FCGR2A: variants seen among roughly 807,000 people sequenced by gnomAD.
FCGR2A encodes the protein low affinity immunoglobulin gamma Fc region receptor II-a.
A neutral mutation model predicts 29.3 loss-of-function variants in FCGR2A; 18 were observed. The ratio of observed to expected loss-of-function variants is 0.62; its 90% CI spans 0.43 to 0.91. The LOEUF is 0.91. Ranked by LOEUF, FCGR2A falls within the 40% of genes least tolerant of loss-of-function variation. The probability of loss-of-function intolerance (pLI) is 0.00; values close to 1 mark genes in which losing one functional copy is unlikely to be tolerated. For missense variants in FCGR2A, 287 were observed against 393.0 expected (o/e 0.73, Z 2.28); for synonymous variants, 126 against 144.8 (o/e 0.87, Z 0.93).
At chr1:161,507,629 T>C (rs1311996398) in intron 3 of FCGR2A, among the ~76,000 whole-genome samples, 1 of 152,246 alleles carries the variant, frequency 6.6e-6, no homozygotes, top group African/African-American at 2.4e-5. Context: ...ATCCTGGCTG[T>C]GGAGTCGCTT....
intron 3 of FCGR2A, among the ~76,000 whole-genome samples, chr1:161,507,827 C>T (rs1417190307): frequency 6.6e-6 from 1 of 152,146 alleles, no homozygotes; most frequent in East Asian, 1.9e-4. Context: ...TGGCTCATGC[C>T]TGTAATCCCA....
intron 2 of FCGR2A, 118 bp from the exon 3 acceptor site, chr1:161,506,216 T>C (rs1675378765): frequency 7.1e-7 from 1 of 1,416,484 alleles, no homozygotes; most frequent in Non-Finnish European, 9.8e-7. Context: ...CAAGTACAGA[T>C]CTTGAACTAC....
intron 6 of FCGR2A, among the ~76,000 whole-genome samples, 179 bp downstream of exon 6, chr1:161,514,111 T>G (rs541272314): frequency 1.3e-5 from 2 of 152,258 alleles, no homozygotes; most frequent in South Asian, 4.1e-4. Context: ...CAAACATAAG[T>G]GAAACTCAAG....
chr1:161,507,020 C>T (rs1330393141), intron 3 of FCGR2A, among the ~76,000 whole-genome samples: 1 of 152,076 alleles, frequency 6.6e-6, no homozygotes, highest in Non-Finnish European at 1.5e-5. Context: ...AGAATTCAGT[C>T]TGGAAGATGA....
Position 161,518,253 on chromosome 1 carries a change from A to G in FCGR2A, c.*105A>G. 1 of 1,534,912 alleles carries G rather than the reference A, an allele frequency of 6.5e-7. No individual in the cohort carries two copies. The highest frequency in any genetic ancestry group is 8.7e-7 in the Non-Finnish European group (1 of 1,144,498). ...TTAAATGGAGACTGGAAAAATCCTG[A>G]GCAAACAAAACCACCTGGCCCTTAG... On this transcript the variant is annotated 3_prime_UTR_variant, in exon 7 of 7. Transcript: ENST00000271450.
intron 5 of FCGR2A, among the ~76,000 whole-genome samples, chr1:161,512,875 A>G (rs1007493804): frequency 6.6e-6 from 1 of 152,262 alleles, no homozygotes; most frequent in Non-Finnish European, 1.5e-5. Flanking sequence ...TGGAAAATAC[A>G]AAGTCCAAGC....
intron 3 of FCGR2A, among the ~76,000 whole-genome samples, chr1:161,507,312 A>G (rs1279704144): frequency 3.9e-5 from 6 of 152,134 alleles, no homozygotes; most frequent in Non-Finnish European, 5.9e-5. Flanking sequence ...TTATAGAGAC[A>G]GGGTCTCAGT....
intron 5 of FCGR2A, 118 bp downstream of exon 5, chr1:161,511,074 C>A: frequency 6.9e-7 from 1 of 1,455,066 alleles, no homozygotes; most frequent in Non-Finnish European, 9.6e-7. Flanking sequence ...CTAGGCCCAC[C>A]TTTTATTTAT....
intron 4 of FCGR2A, 82 bp from the exon 5 acceptor site, chr1:161,510,752 G>A (rs1156442393): frequency 1.3e-6 from 2 of 1,547,160 alleles, no homozygotes; most frequent in Non-Finnish European, 1.8e-6. Flanking sequence ...AGCATTGGAG[G>A]TGGGAGGTGG....
At position 161,506,326 on chromosome 1, in the gene FCGR2A, C is replaced by T. The variant is rs752211547; in HGVS notation, c.107-8C>T. The T allele has an allele frequency of 3.1e-6, 5 of 1,614,210 alleles. No individual in the cohort carries two copies. Among genetic ancestry groups the T allele is most frequent in the Non-Finnish European group, 3.4e-6 (4 of 1,180,030 alleles). On this transcript the variant is annotated splice_polypyrimidine_tract_variant and splice_region_variant and intron_variant, in intron 2 of 6. Coordinates refer to ENST00000271450, the MANE Select transcript of FCGR2A (RefSeq NM_001136219.3). ...TTATTCCACACCCCTTTCCACTCTGCCCCTCAGCAGCTCCCCCAAAGGCTG... is the reference window on the plus strand; with the variant it reads ...TTATTCCACACCCCTTTCCACTCTGTCCCTCAGCAGCTCCCCCAAAGGCTG...
rs530825369 is a variant in FCGR2A, at chr1:161,505,620, T to G, written c.85+68T>G. 1.2e-3 allele frequency: 1,563 copies of G among 1,290,502 alleles called. 3 individuals carry two copies. The highest frequency in any genetic ancestry group is 4.9e-3 in the Middle Eastern group (26 of 5,272). The allele number at this position is 1,290,502 out of a possible 1,614,324, so 79.9% of individuals were successfully genotyped here. On this transcript the variant is annotated intron_variant, in intron 1 of 6. Coordinates refer to ENST00000271450, the MANE Select transcript of FCGR2A (RefSeq NM_001136219.3). ...CTACTGCCTGGACTCCAGGTACCAG[T>G]GTGGTAAGGAGCAGGCCTGGGCCCT...
At chr1:161,519,963 A>G (rs1234208883), downstream of FCGR2A, 2 of 151,920 alleles carry the variant, frequency 1.3e-5, no homozygotes, top group Non-Finnish European at 2.9e-5. Flanking sequence ...CAGATTAGAA[A>G]CATGACCCAC....
chr1:161,506,667 A>G (rs1557828731), intron 3 of FCGR2A, 76 bp downstream of exon 3: 2 of 1,595,774 alleles, frequency 1.3e-6, no homozygotes, highest in Non-Finnish European at 1.7e-6. Context: ...AGAGGTTTGC[A>G]GGAAAGAGTG....
Position 161,510,702 on chromosome 1 carries a change from T to C in FCGR2A, c.620-132T>C, listed in dbSNP as rs996229695. 2.5e-6 allele frequency: 3 copies of C among 1,217,758 alleles called. No individual in the cohort carries two copies. In the African/African-American group the frequency reaches 4.6e-5, roughly 18 times the overall value. 75.4% of individuals were successfully genotyped at this position (1,217,758 alleles called of 1,614,324 possible). A position where few individuals can be genotyped will look rare whatever the true frequency, so the allele number is the denominator to read the frequency against. ...GGTGAATCTTGCATTGGTGAGTGAC[T>C]CAGACACAGAAGAGCTTCAGGTGAC... On this transcript the variant is annotated intron_variant, in intron 4 of 6. Transcript: ENST00000271450.
Position 161,519,778 on chromosome 1 carries a change from G to A in FCGR2A, c.*1630G>A, listed in dbSNP as rs1676379852. 1 of 152,080 alleles carries A rather than the reference G, an allele frequency of 6.6e-6. No individual in the cohort carries two copies. Among genetic ancestry groups the A allele is most frequent in the African/African-American group, 2.4e-5 (1 of 41,412 alleles). 9.4% of individuals were successfully genotyped at this position (152,080 alleles called of 1,614,324 possible). On this transcript the variant is annotated 3_prime_UTR_variant, in exon 7 of 7. Transcript: ENST00000271450. ...AATGAACTTGTATTCTTGTTTCCATGTCTTCTTCCCTTTCCTTCTATAGCA... is the reference window on the plus strand; with the variant it reads ...AATGAACTTGTATTCTTGTTTCCATATCTTCTTCCCTTTCCTTCTATAGCA...
intron 6 of FCGR2A, among the ~76,000 whole-genome samples, chr1:161,517,399 A>T (rs1210992637): frequency 6.6e-6 from 1 of 152,134 alleles, no homozygotes; most frequent in African/African-American, 2.4e-5. Flanking sequence ...AGCAGAGGAG[A>T]TTGGCTTCAT....
At position 161,511,944 on chromosome 1, in the gene FCGR2A, G is replaced by A. The variant is rs116838057; in HGVS notation, c.742+988G>A. Among the ~76,000 whole-genome samples the A allele has an allele frequency of 1.2e-3, 188 of 152,306 alleles. 1 individual carries two copies. The highest frequency in any genetic ancestry group is 7.9e-3 in the South Asian group (38 of 4,824). ...GAGCCAGGGAGGGAGCAGCGATGGG[G>A]GGATGGCCAGGGCTCAAATCGCTTG... On this transcript the variant is annotated intron_variant, in intron 5 of 6. Transcript: ENST00000271450.
Position 161,509,851 on chromosome 1 carries a change from G to T in FCGR2A, c.396G>T (p.Glu132Asp). 5.0e-6 allele frequency: 8 copies of T among 1,614,220 alleles called. No individual in the cohort carries two copies. Among genetic ancestry groups the T allele is most frequent in the Non-Finnish European group, 6.8e-6 (8 of 1,180,030 alleles). Residue 132 changes from glutamate to aspartate, a missense_variant, in exon 4 of 7, where the codon GAG becomes GAT. This residue lies in a region of FCGR2A where 181 missense variants were observed against 250.9 expected (regional missense o/e 0.72). Transcript: ENST00000271450. ...EWLVLQTPHLEFQEGETIMLR... is the reference protein window; with the variant it reads ...EWLVLQTPHLDFQEGETIMLR... ...TGGTGCTCCAGACCCCTCACCTGGA[G>T]TTCCAGGAGGGAGAAACCATCATGC...
chr1:161,523,835 A>G (rs1676551846), downstream of FCGR2A: 1 of 152,010 alleles, frequency 6.6e-6, no homozygotes, highest in Non-Finnish European at 1.5e-5. Context: ...ATGGATCGGA[A>G]AAAAATGAAA....
Sources: gnomAD v4.1 joint callset for allele counts (sites outside exome capture counted in the v4.1 genomes callset) on GRCh38, gnomAD v4.1.1 for gene constraint, gnomAD v4.1.1 regional missense constraint, MANE v1.5 for transcripts, NCBI Gene and HGNC (gene_info 2026-07-23, HGNC 2026-07-21) for gene names.